SPTBN4: variants seen among roughly 807,000 people sequenced by gnomAD.
SPTBN4 encodes the protein spectrin beta chain, non-erythrocytic 4.
In SPTBN4, 96 loss-of-function variants were observed where a neutral mutation model predicts 277.8. That is an observed-to-expected ratio of 0.35 (90% CI 0.29 to 0.41). The LOEUF (loss-of-function observed/expected upper bound fraction) is 0.41, where lower values mean the gene tolerates loss of function less well. SPTBN4 is among the 10% of genes least tolerant of loss of function. The probability of loss-of-function intolerance (pLI) is 1.00; values close to 1 mark genes in which losing one functional copy is unlikely to be tolerated. For missense variants in SPTBN4, 3,006 were observed against 3,595.7 expected, an observed-to-expected ratio of 0.84 and a Z score of 4.19; for synonymous variants, 1,481 against 1,580.3, an observed-to-expected ratio of 0.94 and a Z score of 1.49.
intron 2 of SPTBN4, among the ~76,000 whole-genome samples, chr19:40,482,597 C>A (rs1477293661): frequency 2.0e-5 from 3 of 152,190 alleles, no homozygotes; most frequent in Non-Finnish European, 2.9e-5. Context: ...TTTTTAAAGA[C>A]AAAGTCTTCC....
intron 24 of SPTBN4, chr19:40,555,306 A>G (rs1169192694): frequency 6.6e-6 from 1 of 152,178 alleles, no homozygotes; most frequent in Non-Finnish European, 1.5e-5. Flanking sequence ...AGCTTGGCCA[A>G]CATGGTGAAA....
chr19:40,529,191 T>A (rs2080631451), intron 18 of SPTBN4, 60 bp downstream of exon 18: 11 of 1,502,822 alleles, frequency 7.3e-6, no homozygotes, highest in Non-Finnish European at 1.0e-5. Context: ...GGGAAGTGCT[T>A]CTCGGCCGAG....
In SPTBN4 at chr19:40,490,258, G is replaced by C. The variant is rs779020957; in HGVS notation, c.495+10G>C. On this transcript the variant is annotated intron_variant, in intron 4 of 35. Transcript: ENST00000598249. The surrounding 1 kb of genome is among the most constrained non-coding windows in gnomAD (Gnocchi z 4.3). Reference sequence around the variant, plus strand: ...CATCCTGCGCTTCCAGGTGACCCTCGAGTGGCCCCTGCCAAGCCCCGCAAC... The same window carrying C: ...CATCCTGCGCTTCCAGGTGACCCTCCAGTGGCCCCTGCCAAGCCCCGCAAC... 2 of 1,610,628 alleles carry C rather than the reference G, an allele frequency of 1.2e-6. No homozygotes were observed. The highest frequency in any genetic ancestry group is 1.3e-5 in the African/African-American group (1 of 74,954).
At chr19:40,563,977 G>A (rs1418833164) in intron 27 of SPTBN4, among the ~76,000 whole-genome samples, 2 of 151,642 alleles carry the variant, frequency 1.3e-5, no homozygotes, top group Non-Finnish European at 2.9e-5. Flanking sequence ...AACCCAGAAG[G>A]TGGAGGCTGC....
intron 15 of SPTBN4, among the ~76,000 whole-genome samples, chr19:40,516,070 G>GTA (rs59475372): frequency 0.15 from 19,995 of 133,090 alleles, 3,046 homozygotes; most frequent in African/African-American, 0.34. Context: ...CTATATATAT[G>GTA]TATATATATA....
At position 40,566,297 on chromosome 19, in the gene SPTBN4, G is replaced by T; in HGVS notation, c.6274G>T (p.Ala2092Ser). The change falls in exon 30 of 36, where the codon GCC (alanine) becomes TCC (serine). Residue 2092 changes from alanine to serine, a missense_variant. Transcript: ENST00000598249. ...GGAGCAGCTTATCCGGCGACATGAG[G>T]CCTTCCGCAAAGCGGCTGCAGCCTG... is the stretch of plus-strand genomic sequence containing the variant. The part of the protein sequence containing the change: ...EVEQLIRRHE[A>S]FRKAAAAWEE... 2 of 1,594,514 alleles carry T rather than the reference G, an allele frequency of 1.3e-6. No homozygotes were observed. Among genetic ancestry groups the T allele is most frequent in the Non-Finnish European group, 8.5e-7 (1 of 1,170,534 alleles).
At chr19:40,480,126 T>C (rs2079993670) in intron 2 of SPTBN4, among the ~76,000 whole-genome samples, 1 of 151,804 alleles carries the variant, frequency 6.6e-6, no homozygotes. Context: ...TGGTGGGCAC[T>C]TGTAGTCCCA....
At position 40,554,931 on chromosome 19, in the gene SPTBN4, T is replaced by G; in HGVS notation, c.5084+285T>G. ...TCTAGGACTGGGGTAGAGAAGAATT[T>G]ACTCAGGACAGGCAAGGGGCTCTTT... On this transcript the variant is annotated intron_variant, in intron 24 of 35. Transcript: ENST00000598249. This position sits in a 1 kb window ranked among gnomAD's most constrained non-coding sequence, Gnocchi z 5.7. 2.6e-6 allele frequency: 1 copy of G among 380,142 alleles called. No individual in the cohort carries two copies. Among genetic ancestry groups the G allele is most frequent in the Non-Finnish European group, 4.9e-6 (1 of 203,788 alleles). The allele number at this position is 380,142 out of a possible 1,614,324, so 23.5% of individuals were successfully genotyped here.
chr19:40,535,502 A>T (rs973562521), intron 20 of SPTBN4, among the ~76,000 whole-genome samples: 1 of 146,436 alleles, frequency 6.8e-6, no homozygotes, highest in African/African-American at 2.6e-5. Context: ...TTGACTCTTC[A>T]CTCCTCCTTT....
In SPTBN4 at chr19:40,519,291, T is replaced by C. The variant is rs1360917791; in HGVS notation, c.2904-110T>C. Reference sequence around the variant, plus strand: ...CAGAAACTGGAGAAACTTTCTGAGGTCACACAGTGGCTGGGTGGCTTGGGC... The same window carrying C: ...CAGAAACTGGAGAAACTTTCTGAGGCCACACAGTGGCTGGGTGGCTTGGGC... On this transcript the variant is annotated intron_variant, in intron 15 of 35. Coordinates refer to ENST00000598249, the MANE Select transcript of SPTBN4 (RefSeq NM_020971.3). This position sits in a 1 kb window ranked among gnomAD's most constrained non-coding sequence, Gnocchi z 5.7. 3.5e-6 allele frequency: 4 copies of C among 1,141,852 alleles called. No homozygotes were observed. Among genetic ancestry groups the C allele is most frequent in the Non-Finnish European group, 4.6e-6 (4 of 868,236 alleles). The allele number at this position is 1,141,852 out of a possible 1,614,324, so 70.7% of individuals were successfully genotyped here.
intron 3 of SPTBN4, among the ~76,000 whole-genome samples, chr19:40,489,200 AAAC>A (rs1406809920): frequency 6.9e-6 from 1 of 145,118 alleles, no homozygotes; most frequent in Admixed American, 6.9e-5. Context: ...TCCGTTTCAA[AAAC>A]AACAACAAAA....
chr19:40,553,077 G>A (rs1194923587), intron 22 of SPTBN4, among the ~76,000 whole-genome samples: 2 of 152,278 alleles, frequency 1.3e-5, no homozygotes, highest in East Asian at 3.9e-4. Context: ...AATGGAGATG[G>A]TAATGTTGTC....
chr19:40,517,157 A>G (rs369387257), intron 15 of SPTBN4, among the ~76,000 whole-genome samples: 2 of 152,172 alleles, frequency 1.3e-5, no homozygotes, highest in African/African-American at 4.8e-5. Flanking sequence ...ATGAGGTGGA[A>G]ACTACCCCAC....
intron 6 of SPTBN4, among the ~76,000 whole-genome samples, chr19:40,495,313 A>T (rs1435545874): frequency 6.6e-6 from 1 of 152,084 alleles, no homozygotes; most frequent in Non-Finnish European, 1.5e-5. Context: ...TGTCACTGTC[A>T]TGCTGCTGTG....
chr19:40,575,723 C>A lies in SPTBN4; in HGVS notation c.*154C>A. On this transcript the variant is annotated 3_prime_UTR_variant, in exon 36 of 36. Transcript: ENST00000598249. The stretch of plus-strand genomic sequence containing the variant: ...ACCGGAAAGGAGGGGACTTCTCCTG[C>A]ACCCCAAGAAGTGGTGGGGAGATTG... 2.1e-6 allele frequency: 2 copies of A among 974,470 alleles called. No individual in the cohort carries two copies. The highest frequency in any genetic ancestry group is 2.9e-6 in the Non-Finnish European group (2 of 687,366). The allele number at this position is 974,470 out of a possible 1,614,324, so 60.4% of individuals were successfully genotyped here. A position where few individuals can be genotyped will look rare whatever the true frequency, so the allele number is the denominator to read the frequency against.
chr19:40,479,320 T>G (rs2079982870), intron 2 of SPTBN4, among the ~76,000 whole-genome samples: 1 of 152,276 alleles, frequency 6.6e-6, no homozygotes, highest in South Asian at 2.1e-4. Flanking sequence ...GAAAATTGTT[T>G]GGACCCCACG....
intron 17 of SPTBN4, among the ~76,000 whole-genome samples, chr19:40,527,571 CGAA>C (rs2080607750): frequency 6.6e-6 from 1 of 152,130 alleles, no homozygotes. Context: ...AGGGACCTCA[CGAA>C]GAAGGTGATC....
rs1281700140 is a variant in SPTBN4 at position 40,512,876 on chromosome 19, G to C, written c.2087G>C (p.Arg696Pro). The C allele has an allele frequency of 1.4e-6, 2 of 1,446,748 alleles. No individual in the cohort carries two copies. The highest frequency in any genetic ancestry group is 1.8e-6 in the Non-Finnish European group (2 of 1,111,900). 89.6% of individuals were successfully genotyped at this position (1,446,748 alleles called of 1,614,324 possible). ...GGAHDLSSTA[R>P]LLAQHKILQG... ...GCGCATGACCTGTCCAGCACAGCGC[G>C]CCTCCTGGCCCAGCACAAGATCCTG... is the stretch of plus-strand genomic sequence containing the variant. Residue 696 changes from arginine (R) to proline (P), a missense_variant, in exon 14 of 36, where the codon CGC (arginine) becomes CCC (proline). By Grantham distance (103) the Arg-to-Pro change is moderately radical. Transcript: ENST00000598249.
At chr19:40,566,437 A>C (rs2081093235) in intron 30 of SPTBN4, 78 bp downstream of exon 30, 6 of 1,267,600 alleles carry the variant, frequency 4.7e-6, no homozygotes, top group Non-Finnish European at 6.3e-6. Flanking sequence ...TGAGACAGAC[A>C]CACCGAGACA....
Sources: allele counts gnomAD v4.1 joint callset (sites outside exome capture counted in the v4.1 genomes callset), GRCh38; gene constraint gnomAD v4.1.1; non-coding constraint Gnocchi (gnomAD v3.1); transcripts MANE v1.5; gene names NCBI Gene and HGNC (gene_info 2026-07-23, HGNC 2026-07-21).